PCIF1: variants seen among roughly 807,000 people sequenced by gnomAD.
PCIF1 encodes the protein phosphorylated CTD interacting factor 1, also known as mRNA (2'-O-methyladenosine-N(6)-)-methyltransferase.
In PCIF1, 12 loss-of-function variants were observed where a neutral mutation model predicts 86.9. That is an observed-to-expected ratio of 0.14 (90% CI 0.09 to 0.22). The LOEUF is 0.22. PCIF1 is among the 10% of genes least tolerant of loss of function. The pLI is 1.00. For synonymous variants in PCIF1, 397 were observed against 372.0 expected (o/e 1.07, Z -0.77); for missense variants, 701 against 951.1 (o/e 0.74, Z 3.46).
Position 45,939,273 on chromosome 20 carries a change from C to T in PCIF1, c.183C>T (p.Tyr61=). ...GGAGCCGGAGGGAGAATCGTCCCTA[C>T]TACTTCAACCGATTCACCAACCAGT... is the stretch of plus-strand genomic sequence containing the variant. ...KCWSRRENRP[Y]YFNRFTNQSL... is the part of the protein sequence containing the mutation. The change falls in exon 4 of 17, where the codon TAC becomes TAT. Residue 61 remains tyrosine, a synonymous_variant. Transcript: ENST00000372409. 3.1e-6 allele frequency: 5 copies of T among 1,613,798 alleles called. No individual in the cohort carries two copies. The highest frequency in any genetic ancestry group is 4.2e-6 in the Non-Finnish European group (5 of 1,180,026).
intron 2 of PCIF1, 130 bp from the exon 3 acceptor site, chr20:45,938,851 C>A: frequency 8.2e-7 from 1 of 1,218,536 alleles, no homozygotes; most frequent in Non-Finnish European, 1.2e-6. Flanking sequence ...TGTGTGGCAC[C>A]ATGCTGGCCC....
At chr20:45,935,360 C>T (rs994869449) in intron 1 of PCIF1, among the ~76,000 whole-genome samples, 7 of 152,208 alleles carry the variant, frequency 4.6e-5, no homozygotes, top group Admixed American at 1.3e-4. Flanking sequence ...CGGACTCTGG[C>T]TTCTGGTGGG....
chr20:45,940,410 T>A (rs574602440), intron 4 of PCIF1, 65 bp from the exon 5 acceptor site: 1 of 1,504,072 alleles, frequency 6.6e-7, no homozygotes, highest in Admixed American at 2.2e-5. Flanking sequence ...GGCGTGAGGA[T>A]TCAAAGTCCT....
rs757592432 is a variant in PCIF1, at chr20:45,947,643, G to T, written c.2003G>T (p.Arg668Leu). The T allele has an allele frequency of 6.2e-7, 1 of 1,612,476 alleles. No individual in the cohort carries two copies. The highest frequency in any genetic ancestry group is 8.5e-7 in the Non-Finnish European group (1 of 1,179,906). Residue 668 changes from arginine (R) to leucine (L), a missense_variant, in exon 17 of 17, where the codon CGG (arginine) becomes CTG (leucine). Coordinates refer to ENST00000372409, the MANE Select transcript of PCIF1 (RefSeq NM_022104.4). This position sits in a 1 kb window ranked among gnomAD's most constrained non-coding sequence, Gnocchi z 5.4. ...CTGCAGGAGCTGAGTGCTGCCTACC[G>T]GCAGTCAGGCCGCAGCCACAGCTCT... is the stretch of plus-strand genomic sequence containing the variant. ...ERLQELSAAY[R>L]QSGRSHSSGS...
rs1386189317 is a variant in PCIF1, at chr20:45,940,801, C to T, written c.388-8C>T. The T allele has an allele frequency of 1.1e-5, 17 of 1,611,720 alleles. No homozygotes were observed. The highest frequency in any genetic ancestry group is 1.4e-5 in the Non-Finnish European group (17 of 1,178,488). Reference sequence around the variant, plus strand: ...CCTGACTTGACACCTTTGTGACTTTCACTACAGATTGAAATCCCAGTGACA... The same window carrying T: ...CCTGACTTGACACCTTTGTGACTTTTACTACAGATTGAAATCCCAGTGACA... On this transcript the variant is annotated splice_region_variant and splice_polypyrimidine_tract_variant and intron_variant, in intron 5 of 16. Coordinates refer to ENST00000372409, the MANE Select transcript of PCIF1 (RefSeq NM_022104.4).
At chr20:45,938,897 G>C in intron 2 of PCIF1, 84 bp from the exon 3 acceptor site, 1 of 1,546,324 alleles carries the variant, frequency 6.5e-7, no homozygotes, top group South Asian at 1.2e-5. Flanking sequence ...CTCCACATCG[G>C]TGGGTGGTCA....
intron 10 of PCIF1, among the ~76,000 whole-genome samples, chr20:45,944,237 C>G (rs753207906): frequency 1.3e-5 from 2 of 152,140 alleles, no homozygotes; most frequent in African/African-American, 4.8e-5. Flanking sequence ...AATGGGCTTT[C>G]TTTTCAGGAC....
At chr20:45,946,941 G>T in intron 14 of PCIF1, 132 bp from the exon 15 acceptor site, 1 of 706,608 alleles carries the variant, frequency 1.4e-6, no homozygotes, top group East Asian at 2.5e-5. Flanking sequence ...GTGCCCCAAT[G>T]AATTAGGGTG....
intron 1 of PCIF1, among the ~76,000 whole-genome samples, chr20:45,935,573 C>T (rs532170802): frequency 7.4e-4 from 112 of 152,240 alleles, no homozygotes; most frequent in Non-Finnish European, 1.4e-3. Flanking sequence ...CAGAAGGGCC[C>T]GGAATCCGGG....
chr20:45,937,641 G>A lies in PCIF1; in HGVS notation c.-20+56G>A, dbSNP rs1451166134. The A allele has an allele frequency of 7.5e-6, 3 of 398,652 alleles. No homozygotes were observed. The East Asian group carries it at 1.1e-4, about 14-fold the overall frequency. The allele number at this position is 398,652 out of a possible 1,614,324, so 24.7% of individuals were successfully genotyped here. On this transcript the variant is annotated intron_variant, in intron 2 of 16. Coordinates refer to ENST00000372409, the MANE Select transcript of PCIF1 (RefSeq NM_022104.4). ...GAAACCTGTGTGCTCAGCCCCCAAG[G>A]CATCAGGAATTCTTCCTGCCCAGAG... is the stretch of plus-strand genomic sequence containing the variant.
At chr20:45,939,820 G>A (rs926803157) in intron 4 of PCIF1, among the ~76,000 whole-genome samples, 3 of 152,204 alleles carry the variant, frequency 2.0e-5, no homozygotes, top group African/African-American at 7.2e-5. Flanking sequence ...ACGACGGGAA[G>A]TACAGGCATG....
chr20:45,940,686 G>T, intron 5 of PCIF1, 74 bp downstream of exon 5: 1 of 1,576,336 alleles, frequency 6.3e-7, no homozygotes, highest in Non-Finnish European at 8.6e-7. Flanking sequence ...CCCTGCAGGG[G>T]CTGGGCATTG....
Position 45,939,252 on chromosome 20 carries a change from C to T in PCIF1, c.162C>T (p.Ser54=). 2 of 1,613,822 alleles carry T rather than the reference C, an allele frequency of 1.2e-6. No individual in the cohort carries two copies. The highest frequency in any genetic ancestry group is 4.5e-5 in the East Asian group (2 of 44,886). Residue 54 remains serine (S), a synonymous_variant, in exon 4 of 17, where the codon AGC becomes AGT. Coordinates refer to ENST00000372409, the MANE Select transcript of PCIF1 (RefSeq NM_022104.4). Reference sequence around the variant, plus strand: ...ATGCAGGCTGGGAGAAGTGCTGGAGCCGGAGGGAGAATCGTCCCTACTACT... The same window carrying T: ...ATGCAGGCTGGGAGAAGTGCTGGAGTCGGAGGGAGAATCGTCCCTACTACT... ...LVHAGWEKCW[S]RRENRPYYFN... is the part of the protein sequence containing the mutation.
Position 45,940,122 on chromosome 20 carries a change from A to G in PCIF1, c.250-353A>G, listed in dbSNP as rs2083457181. ...TAAGCAGTTTTTGAGCTTTTCATTTATTCCTCACATTCATTCTGTTCTTGA... is the reference window on the plus strand; with the variant it reads ...TAAGCAGTTTTTGAGCTTTTCATTTGTTCCTCACATTCATTCTGTTCTTGA... On this transcript the variant is annotated intron_variant, in intron 4 of 16. Transcript: ENST00000372409. Among the ~76,000 whole-genome samples the G allele has an allele frequency of 2.0e-5, 3 of 152,322 alleles. No individual in the cohort carries two copies. In the South Asian group the frequency reaches 6.2e-4, roughly 32 times the overall value.
chr20:45,940,795 G>A lies in PCIF1; in HGVS notation c.388-14G>A. Reference sequence around the variant, plus strand: ...GAATCTCCTGACTTGACACCTTTGTGACTTTCACTACAGATTGAAATCCCA... The same window carrying A: ...GAATCTCCTGACTTGACACCTTTGTAACTTTCACTACAGATTGAAATCCCA... On this transcript the variant is annotated splice_polypyrimidine_tract_variant and intron_variant, in intron 5 of 16. Coordinates refer to ENST00000372409, the MANE Select transcript of PCIF1 (RefSeq NM_022104.4). 1 of 1,611,812 alleles carries A rather than the reference G, an allele frequency of 6.2e-7. No homozygotes were observed. Among genetic ancestry groups the A allele is most frequent in the Non-Finnish European group, 8.5e-7 (1 of 1,178,584 alleles).
Position 45,947,507 on chromosome 20 carries a change from A to G in PCIF1, c.1884-17A>G. On this transcript the variant is annotated splice_polypyrimidine_tract_variant and intron_variant, in intron 16 of 16. Transcript: ENST00000372409. The surrounding 1 kb of genome is among the most constrained non-coding windows in gnomAD (Gnocchi z 5.4). Reference sequence around the variant, plus strand: ...GCCAGGCCCAGCCCCACCCTGAGCCATTGCCTTTGCCCGCAGGGAGGAAAT... The same window carrying G: ...GCCAGGCCCAGCCCCACCCTGAGCCGTTGCCTTTGCCCGCAGGGAGGAAAT... 1.2e-6 allele frequency: 2 copies of G among 1,613,700 alleles called. No homozygotes were observed. Among genetic ancestry groups the G allele is most frequent in the Non-Finnish European group, 1.7e-6 (2 of 1,179,986 alleles).
intron 4 of PCIF1, 127 bp from the exon 5 acceptor site, chr20:45,940,348 C>T (rs1242809982): frequency 1.2e-5 from 15 of 1,233,462 alleles, no homozygotes; most frequent in Non-Finnish European, 2.2e-6. Flanking sequence ...TGTTCTCTGC[C>T]TGTATCCCAG....
At chr20:45,941,455 A>T (rs1034568140) in intron 7 of PCIF1, among the ~76,000 whole-genome samples, 10 of 151,316 alleles carry the variant, frequency 6.6e-5, no homozygotes, top group Non-Finnish European at 1.3e-4. Context: ...TTTTAATTTT[A>T]TTTATTTATT....
intron 2 of PCIF1, chr20:45,937,827 G>C (rs146509447): frequency 2.7e-6 from 1 of 364,726 alleles, no homozygotes; most frequent in Non-Finnish European, 4.9e-6. Context: ...CCTAAATTAA[G>C]GAAGACGTCT....
Sources: allele counts gnomAD v4.1 joint callset (sites outside exome capture counted in the v4.1 genomes callset), GRCh38; gene constraint gnomAD v4.1.1; non-coding constraint Gnocchi (gnomAD v3.1); transcripts MANE v1.5; gene names NCBI Gene and HGNC (gene_info 2026-07-23, HGNC 2026-07-21).